Variants in PLLP observed in about 807,000 individuals in gnomAD.
PLLP encodes the protein plasma membrane proteolipid (plasmolipin).
A neutral mutation model predicts 19.7 loss-of-function variants in PLLP; 15 were observed. The ratio of observed to expected loss-of-function variants is 0.76; its 90% CI spans 0.51 to 1.17. PLLP has a LOEUF of 1.17. Among genes scored for constraint, PLLP ranks in the 50% most tolerant of loss-of-function variants. The pLI, the probability that PLLP is intolerant of heterozygous loss-of-function variation, is 0.00. For synonymous variants in PLLP, 111 were observed against 116.3 expected (o/e 0.95, Z 0.29); for missense variants, 255 against 258.3 (o/e 0.99, Z 0.09).
At chr16:57,279,547 A>G in intron 1 of PLLP, among the ~76,000 whole-genome samples, 1 of 151,894 alleles carries the variant, frequency 6.6e-6, no homozygotes, top group African/African-American at 2.4e-5. Flanking sequence ...TGTGGCATGT[A>G]CCTGTCGTCC....
chr16:57,265,428 T>C (rs1415647673), intron 1 of PLLP, among the ~76,000 whole-genome samples: 1 of 152,238 alleles, frequency 6.6e-6, no homozygotes, highest in African/African-American at 2.4e-5. Context: ...TTAAAGCCAA[T>C]TCCTCATGGG....
intron 1 of PLLP, among the ~76,000 whole-genome samples, chr16:57,280,497 T>A (rs1223019080): frequency 2.0e-5 from 3 of 152,166 alleles, no homozygotes; most frequent in Admixed American, 6.5e-5. Flanking sequence ...GCCTTTTTTT[T>A]TTAAAACCAA....
intron 1 of PLLP, among the ~76,000 whole-genome samples, chr16:57,281,877 C>T (rs1438027225): frequency 6.6e-6 from 1 of 152,152 alleles, no homozygotes; most frequent in African/African-American, 2.4e-5. Context: ...GGAAGACCCT[C>T]ATCCCCTCAA....
At chr16:57,267,334 T>A (rs2075460762) in intron 1 of PLLP, among the ~76,000 whole-genome samples, 1 of 152,162 alleles carries the variant, frequency 6.6e-6, no homozygotes, top group Non-Finnish European at 1.5e-5. Flanking sequence ...TTTGGGAGCC[T>A]GAGGTGCATG....
intron 1 of PLLP, among the ~76,000 whole-genome samples, chr16:57,266,010 A>G (rs2075455823): frequency 6.6e-6 from 1 of 152,210 alleles, no homozygotes; most frequent in Non-Finnish European, 1.5e-5. Flanking sequence ...TAGGTGACAG[A>G]GACCCTGTCT....
chr16:57,258,922 A>C (rs1458791601), intron 2 of PLLP, among the ~76,000 whole-genome samples: 539 of 7,814 alleles, frequency 0.069, 4 homozygotes, highest in African/African-American at 0.13. Flanking sequence ...TCCTGTCTCA[A>C]AAAAAAAAAA....
chr16:57,270,018 C>T (rs2075469323), intron 1 of PLLP, among the ~76,000 whole-genome samples: 1 of 152,202 alleles, frequency 6.6e-6, no homozygotes, highest in South Asian at 2.1e-4. Flanking sequence ...ATCCACCTGC[C>T]TTGGCCTCCC....
chr16:57,258,920 CAAAAAAAAAAA>C (rs59321788), intron 2 of PLLP, among the ~76,000 whole-genome samples: 3 of 40,248 alleles, frequency 7.5e-5, no homozygotes, highest in Non-Finnish European at 1.3e-4. Flanking sequence ...GATCCTGTCT[CAAAAAAAAAAA>C]AAAAAAAAAA....
At chr16:57,270,323 C>G (rs1227231354) in intron 1 of PLLP, among the ~76,000 whole-genome samples, 30 of 140,924 alleles carry the variant, frequency 2.1e-4, no homozygotes, top group Admixed American at 6.4e-4. Flanking sequence ...AGTCCATCCA[C>G]AGCCCCCAAG....
chr16:57,258,314 C>T (rs1283948519), intron 3 of PLLP, 148 bp downstream of exon 3: 37 of 683,694 alleles, frequency 5.4e-5, no homozygotes, highest in Admixed American at 8.6e-5. Context: ...AGCCTGGAGG[C>T]GGCCCGGCTC....
chr16:57,258,799 T>C (rs2075433758), intron 2 of PLLP, among the ~76,000 whole-genome samples: 1 of 151,296 alleles, frequency 6.6e-6, no homozygotes, highest in Admixed American at 6.6e-5. Context: ...CGCATGCCTG[T>C]GATCTCAGCT....
chr16:57,261,305 G>A lies in PLLP; in HGVS notation c.309+592C>T, dbSNP rs184414168. On this transcript the variant is annotated intron_variant, in intron 2 of 3. Transcript: ENST00000219207. ...CAGGCGTGAGCCACCACACCCGGCCGGGAAAAATATTTTTAAGATTCCAAA... is the reference window on the plus strand; with the variant it reads ...CAGGCGTGAGCCACCACACCCGGCCAGGAAAAATATTTTTAAGATTCCAAA... 2.6e-4 allele frequency among the ~76,000 whole-genome samples: 40 copies of A among 152,068 alleles called. 1 individual carries two copies. The highest frequency in any genetic ancestry group is 8.9e-4 in the African/African-American group (37 of 41,502).
At chr16:57,267,298 G>A (rs1597961435) in intron 1 of PLLP, among the ~76,000 whole-genome samples, 1 of 152,368 alleles carries the variant, frequency 6.6e-6, no homozygotes, top group Admixed American at 6.5e-5. Context: ...GCCAGGCGCA[G>A]TGGCTCATAC....
At chr16:57,258,156 A>C (rs1320229035) in intron 3 of PLLP, among the ~76,000 whole-genome samples, 8 of 152,128 alleles carry the variant, frequency 5.3e-5, no homozygotes, top group Admixed American at 3.9e-4. Context: ...ACTTAAACCC[A>C]AGAGGCAGAG....
intron 1 of PLLP, among the ~76,000 whole-genome samples, chr16:57,272,930 CTGAG>C (rs1901094831): frequency 6.6e-6 from 1 of 151,350 alleles, no homozygotes. Flanking sequence ...GCACTCCAGC[CTGAG>C]TGACAGAGTG....
At chr16:57,283,410 T>G (rs1324030411) in intron 1 of PLLP, among the ~76,000 whole-genome samples, 1 of 152,154 alleles carries the variant, frequency 6.6e-6, no homozygotes, top group Non-Finnish European at 1.5e-5. Flanking sequence ...GCCCTCTAGC[T>G]TGGGCCTCGC....
Position 57,258,570 on chromosome 16 carries a change from G to C in PLLP, c.324C>G (p.Asn108Lys). The C allele has an allele frequency of 6.2e-7, 1 of 1,612,870 alleles. No individual in the cohort carries two copies. The highest frequency in any genetic ancestry group is 8.5e-7 in the Non-Finnish European group (1 of 1,179,858). Residue 108 changes from asparagine (N) to lysine (K), a missense_variant, in exon 3 of 4, where the codon AAC (asparagine) becomes AAG (lysine). Coordinates refer to ENST00000219207, the MANE Select transcript of PLLP (RefSeq NM_015993.3). The stretch of plus-strand genomic sequence containing the variant: ...TGATGTAGAGAACGGTGGCGCTGAT[G>C]TTAAAGATCATTAACTGCAGGACAT... Reference protein sequence around the residue: ...VPWPLVLMIFNISATVLYITA... With the variant: ...VPWPLVLMIFKISATVLYITA...
intron 1 of PLLP, among the ~76,000 whole-genome samples, chr16:57,262,465 T>C (rs1481260012): frequency 1.3e-5 from 2 of 152,012 alleles, no homozygotes; most frequent in Non-Finnish European, 2.9e-5. Flanking sequence ...GGCAGGAGAA[T>C]TGCTTGAATC....
At chr16:57,276,585 C>T (rs1304568971) in intron 1 of PLLP, among the ~76,000 whole-genome samples, 4 of 118,372 alleles carry the variant, frequency 3.4e-5, no homozygotes, top group Non-Finnish European at 7.0e-5. Context: ...GAGTGAGACT[C>T]TGTCTCAAAA....
Sources: allele counts gnomAD v4.1 joint callset (sites outside exome capture counted in the v4.1 genomes callset), GRCh38; gene constraint gnomAD v4.1.1; transcripts MANE v1.5; gene names NCBI Gene and HGNC (gene_info 2026-07-23, HGNC 2026-07-21).